The following PARD3B variants were observed in gnomAD, a reference collection of about 807,000 sequenced individuals.
The protein encoded by PARD3B is par-3 family cell polarity regulator beta.
In PARD3B, 103 loss-of-function variants were observed where a neutral mutation model predicts 130.2. The ratio of observed to expected loss-of-function variants is 0.79; its 90% CI spans 0.67 to 0.93. PARD3B has a LOEUF of 0.93. Ranked by LOEUF, PARD3B falls within the 40% of genes least tolerant of loss-of-function variation. The probability of loss-of-function intolerance (pLI) is 0.00; values close to 1 mark genes in which losing one functional copy is unlikely to be tolerated. For synonymous variants in PARD3B, 583 were observed against 553.2 expected (o/e 1.05, Z -0.76); for missense variants, 1,609 against 1,499.2 (o/e 1.07, Z -1.21).
Position 205,211,696 on chromosome 2 carries a change from G to T in PARD3B, c.2140+18376G>T, listed in dbSNP as rs149852998. Among the ~76,000 whole-genome samples, 415 of 152,044 alleles carry T rather than the reference G, an allele frequency of 2.7e-3. 2 individuals are homozygous for T. The highest frequency in any genetic ancestry group is 9.5e-3 in the African/African-American group (395 of 41,528). Reference sequence around the variant, plus strand: ...GTAACTAGCAACACTATCCAATGAAGGTATAAAAATTAAAGTGAAAATTAA... The same window carrying T: ...GTAACTAGCAACACTATCCAATGAATGTATAAAAATTAAAGTGAAAATTAA... On this transcript the variant is annotated intron_variant, in intron 15 of 22. Transcript: ENST00000406610.
intron 1 of PARD3B, among the ~76,000 whole-genome samples, chr2:204,547,471 A>T (rs1485896974): frequency 6.6e-6 from 1 of 152,140 alleles, no homozygotes; most frequent in African/African-American, 2.4e-5. Flanking sequence ...CTGCAATGTT[A>T]TGTGTGTGTG....
At chr2:204,872,727 G>C (rs1004852009) in intron 2 of PARD3B, among the ~76,000 whole-genome samples, 1 of 152,022 alleles carries the variant, frequency 6.6e-6, no homozygotes, top group African/African-American at 2.4e-5. Context: ...TCACATATTT[G>C]GGTAATTATA....
intron 16 of PARD3B, among the ~76,000 whole-genome samples, chr2:205,295,781 G>A (rs1038206597): frequency 2.0e-5 from 3 of 152,116 alleles, no homozygotes; most frequent in Non-Finnish European, 2.9e-5. Flanking sequence ...GGTGATTATA[G>A]CCTAAGGAGA....
intron 3 of PARD3B, among the ~76,000 whole-genome samples, chr2:205,034,842 C>G (rs1306929292): frequency 6.6e-6 from 1 of 151,610 alleles, no homozygotes; most frequent in Non-Finnish European, 1.5e-5. Flanking sequence ...AATTTTTGGC[C>G]ATGTGTTCTT....
chr2:205,459,920 G>T (rs2048394126), intron 20 of PARD3B, among the ~76,000 whole-genome samples: 1 of 152,138 alleles, frequency 6.6e-6, no homozygotes. Context: ...CCTTGTTCCA[G>T]CTTCTTTCTC....
At position 205,459,608 on chromosome 2, in the gene PARD3B, A is replaced by G. The variant is rs6705394; in HGVS notation, c.3044+18936A>G. Among the ~76,000 whole-genome samples the G allele has an allele frequency of 2.6e-3, 391 of 152,236 alleles. 1 individual carries two copies. The highest frequency in any genetic ancestry group is 8.7e-3 in the African/African-American group (362 of 41,556). ...ATTAGCATTACATTTTTGCCTGTTG[A>G]TCTTTCTTGTTGAGGCCCTACAGTC... is the stretch of plus-strand genomic sequence containing the variant. On this transcript the variant is annotated intron_variant, in intron 20 of 22. Transcript: ENST00000406610.
At chr2:205,090,045 T>C (rs893314493) in intron 4 of PARD3B, among the ~76,000 whole-genome samples, 5 of 152,212 alleles carry the variant, frequency 3.3e-5, no homozygotes, top group African/African-American at 1.2e-4. Flanking sequence ...TACCCTCAGC[T>C]ACAGAATTAT....
At chr2:204,882,010 G>A (rs1484258354) in intron 2 of PARD3B, among the ~76,000 whole-genome samples, 29 of 152,138 alleles carry the variant, frequency 1.9e-4, no homozygotes, top group Admixed American at 1.4e-3. Flanking sequence ...ACACATCCTG[G>A]CGTCAGGCAG....
chr2:205,074,912 T>C (rs1031372164), intron 4 of PARD3B, among the ~76,000 whole-genome samples: 1 of 152,210 alleles, frequency 6.6e-6, no homozygotes, highest in Non-Finnish European at 1.5e-5. Context: ...AATGATCCAA[T>C]ATCAGTTTAA....
rs2041114469 is a variant in PARD3B at position 204,765,674 on chromosome 2, C to G, written c.222+79392C>G. On this transcript the variant is annotated intron_variant, in intron 2 of 22. Coordinates refer to ENST00000406610, the MANE Select transcript of PARD3B (RefSeq NM_001302769.2). The stretch of plus-strand genomic sequence containing the variant: ...AAAAAATTCAGCCTGAAAGAAGTAC[C>G]ATTTAATTTTCTTTTGTTTAAGGGG... 2.6e-5 allele frequency among the ~76,000 whole-genome samples: 4 copies of G among 152,086 alleles called. No homozygotes were observed. In the South Asian group the frequency reaches 8.3e-4, roughly 32 times the overall value.
chr2:204,645,873 G>A (rs1350203212), intron 1 of PARD3B, among the ~76,000 whole-genome samples: 1 of 151,930 alleles, frequency 6.6e-6, no homozygotes, highest in Non-Finnish European at 1.5e-5. Flanking sequence ...AAGGTATCTG[G>A]ATAATCAATG....
At position 204,609,330 on chromosome 2, in the gene PARD3B, G is replaced by A. The variant is rs186898899; in HGVS notation, c.120+63211G>A. 3.7e-4 allele frequency among the ~76,000 whole-genome samples: 57 copies of A among 152,272 alleles called. 1 individual carries two copies. The East Asian group carries it at 8.9e-3, about 24-fold the overall frequency. On this transcript the variant is annotated intron_variant, in intron 1 of 22. Transcript: ENST00000406610. ...TATGCTAAAGGAGACACCAAACTCT[G>A]TAAAATATTTCAAAAGGCTTATTCT...
At chr2:204,857,944 A>G (rs1463931111) in intron 2 of PARD3B, among the ~76,000 whole-genome samples, 1 of 152,158 alleles carries the variant, frequency 6.6e-6, no homozygotes, top group Non-Finnish European at 1.5e-5. Context: ...ACAGATCCTT[A>G]ATCGTCTAAA....
At chr2:205,578,502 G>GT (rs374698982) in intron 22 of PARD3B, among the ~76,000 whole-genome samples, 1 of 152,094 alleles carries the variant, frequency 6.6e-6, no homozygotes, top group African/African-American at 2.4e-5. Context: ...TATTGGCGAA[G>GT]TACACAAGCA....
At chr2:205,433,973 G>A (rs773865933) in intron 19 of PARD3B, among the ~76,000 whole-genome samples, 1 of 152,128 alleles carries the variant, frequency 6.6e-6, no homozygotes, top group Non-Finnish European at 1.5e-5. Flanking sequence ...AACACTCTTC[G>A]TGGATTTTTG....
rs78798150 is a variant in PARD3B at position 204,938,315 on chromosome 2, C to G, written c.223-26837C>G. Among the ~76,000 whole-genome samples the G allele has an allele frequency of 8.6e-3, 1,317 of 152,340 alleles. 23 individuals carry two copies. Among genetic ancestry groups the G allele is most frequent in the African/African-American group, 0.029 (1,223 of 41,578 alleles). On this transcript the variant is annotated intron_variant, in intron 2 of 22. Coordinates refer to ENST00000406610, the MANE Select transcript of PARD3B (RefSeq NM_001302769.2). ...TAGCTTACGCACTGTATTACAGCCA[C>G]AATGGCTTTCTAAATGTTCTTTCAA... is the stretch of plus-strand genomic sequence containing the variant.
chr2:204,546,416 A>T (rs1476894513), intron 1 of PARD3B, among the ~76,000 whole-genome samples: 1 of 152,110 alleles, frequency 6.6e-6, no homozygotes, highest in Non-Finnish European at 1.5e-5. Context: ...CTTTAACGAG[A>T]TCCCCAGGTG....
intron 4 of PARD3B, among the ~76,000 whole-genome samples, chr2:205,050,258 A>C (rs1699099943): frequency 1.3e-5 from 2 of 151,258 alleles, no homozygotes. Context: ...TCCGTTTCCC[A>C]AAGAGCATCT....
Position 204,810,084 on chromosome 2 carries a change from A to AT in PARD3B, c.222+123813dup, listed in dbSNP as rs199846021. On this transcript the variant is annotated intron_variant, in intron 2 of 22. Coordinates refer to ENST00000406610, the MANE Select transcript of PARD3B (RefSeq NM_001302769.2). ...GAATGCTAGTGATTTTTTAACATTG[A>AT]TTTTTTTTTTTAATCCTGAAATTTT... is the stretch of plus-strand genomic sequence containing the variant. Among the ~76,000 whole-genome samples, 108 of 148,922 alleles carry AT rather than the reference A, an allele frequency of 7.3e-4. 2 individuals are homozygous for AT. The East Asian group carries it at 0.01, about 14-fold the overall frequency.
Sources: gnomAD v4.1 joint callset for allele counts (sites outside exome capture counted in the v4.1 genomes callset) on GRCh38, gnomAD v4.1.1 for gene constraint, MANE v1.5 for transcripts, NCBI Gene and HGNC (gene_info 2026-07-23, HGNC 2026-07-21) for gene names.